Variants in DLG2 observed in about 807,000 individuals in gnomAD.
DLG2 encodes the protein discs large MAGUK scaffold protein 2.
In DLG2, 45 loss-of-function variants were observed where a neutral mutation model predicts 132.5. That is an observed-to-expected ratio of 0.34 (90% CI 0.27 to 0.44). The LOEUF (loss-of-function observed/expected upper bound fraction) is 0.44. DLG2 is among the 20% of genes least tolerant of loss of function. The pLI, the probability that DLG2 is intolerant of heterozygous loss-of-function variation, is 1.00. For missense variants in DLG2, 1,045 were observed against 1,196.9 expected, an observed-to-expected ratio of 0.87 and a Z score of 1.87; for synonymous variants, 424 against 419.6, an observed-to-expected ratio of 1.01 and a Z score of -0.13.
chr11:83,677,296 C>CGGAAG (rs2077911933), intron 18 of DLG2, among the ~76,000 whole-genome samples: 1 of 152,088 alleles, frequency 6.6e-6, no homozygotes, highest in Admixed American at 6.6e-5. Context: ...CCAACTCTTC[C>CGGAAG]AGGCAAAATA....
chr11:85,393,056 A>C lies in DLG2; in HGVS notation c.41-107691T>G, dbSNP rs550857699. On this transcript the variant is annotated intron_variant, in intron 3 of 27. Coordinates refer to ENST00000376104, the MANE Select transcript of DLG2 (RefSeq NM_001142699.3). Reference sequence around the variant, plus strand: ...TAACAGACAACCCATAGAATAGGAGAAAATCTTCACAGTCTATACATCCAA... The same window carrying C: ...TAACAGACAACCCATAGAATAGGAGCAAATCTTCACAGTCTATACATCCAA... Among the ~76,000 whole-genome samples the C allele has an allele frequency of 1.8e-4, 28 of 152,288 alleles. No individual in the cohort carries two copies. In the South Asian group the frequency reaches 5.4e-3, roughly 29 times the overall value.
intron 18 of DLG2, among the ~76,000 whole-genome samples, chr11:83,758,299 A>G (rs913633949): frequency 1.3e-5 from 2 of 151,926 alleles, no homozygotes; most frequent in African/African-American, 2.4e-5. Context: ...GTCTTTCCAC[A>G]TCACATCCAA....
chr11:84,552,135 G>A (rs1248283387), intron 6 of DLG2, among the ~76,000 whole-genome samples: 1 of 152,098 alleles, frequency 6.6e-6, no homozygotes, highest in Non-Finnish European at 1.5e-5. Context: ...CCAAGTGAAT[G>A]GATCTAATAC....
chr11:85,263,253 G>A (rs1212655744), intron 4 of DLG2, among the ~76,000 whole-genome samples: 1 of 152,192 alleles, frequency 6.6e-6, no homozygotes, highest in African/African-American at 2.4e-5. Flanking sequence ...AAAGGTTCAG[G>A]GAAGATTTAT....
intron 8 of DLG2, among the ~76,000 whole-genome samples, chr11:84,247,493 G>A (rs1388755669): frequency 6.6e-6 from 1 of 152,080 alleles, no homozygotes; most frequent in African/African-American, 2.4e-5. Context: ...CCTTGTTTCT[G>A]CTTGGGTGAT....
intron 16 of DLG2, among the ~76,000 whole-genome samples, chr11:83,860,195 CT>C (rs1233298975): frequency 1.3e-5 from 2 of 152,160 alleles, no homozygotes; most frequent in Non-Finnish European, 2.9e-5. Flanking sequence ...CCTAGTGGAG[CT>C]GTGAGAAGAG....
intron 6 of DLG2, among the ~76,000 whole-genome samples, chr11:84,544,214 G>A (rs1163377661): frequency 1.3e-5 from 2 of 152,188 alleles, no homozygotes; most frequent in Non-Finnish European, 2.9e-5. Context: ...CACAGGAGAG[G>A]TAACTGTAAT....
At chr11:83,843,272 A>G (rs898994996) in intron 16 of DLG2, among the ~76,000 whole-genome samples, 1 of 152,168 alleles carries the variant, frequency 6.6e-6, no homozygotes, top group Non-Finnish European at 1.5e-5. Flanking sequence ...TTTGGCTAGA[A>G]GGATGCCTGC....
chr11:85,606,163 TATG>T (rs1245126140), intron 2 of DLG2, among the ~76,000 whole-genome samples: 1 of 152,206 alleles, frequency 6.6e-6, no homozygotes, highest in Non-Finnish European at 1.5e-5. Context: ...TTAACTATAG[TATG>T]ATATGTATCC....
intron 14 of DLG2, among the ~76,000 whole-genome samples, chr11:83,961,326 C>A (rs1288616782): frequency 1.3e-5 from 2 of 152,014 alleles, no homozygotes; most frequent in Non-Finnish European, 2.9e-5. Context: ...CATCAAAACT[C>A]TGAGGTCCCT....
intron 11 of DLG2, among the ~76,000 whole-genome samples, chr11:84,017,149 C>T (rs1022539562): frequency 6.6e-6 from 1 of 152,070 alleles, no homozygotes; most frequent in Non-Finnish European, 1.5e-5. Flanking sequence ...TTATTTCAAA[C>T]TGGGAAGAGC....
chr11:84,959,909 G>C (rs2052300525), intron 6 of DLG2, among the ~76,000 whole-genome samples: 2 of 152,136 alleles, frequency 1.3e-5, no homozygotes, highest in African/African-American at 4.8e-5. Flanking sequence ...AACTGGTTAA[G>C]TAAAGGCTTA....
Position 84,505,023 on chromosome 11 carries a change from A to T in DLG2, c.519+29547T>A, listed in dbSNP as rs111948842. 1.7e-3 allele frequency among the ~76,000 whole-genome samples: 254 copies of T among 152,242 alleles called. 1 individual carries two copies. Among genetic ancestry groups the T allele is most frequent in the African/African-American group, 5.8e-3 (241 of 41,564 alleles). ...ATTCTTTTACGTCAAATTAGTTCAA[A>T]TTGCCAATGGATAGGAGCACTGGAC... On this transcript the variant is annotated intron_variant, in intron 7 of 27. Coordinates refer to ENST00000376104, the MANE Select transcript of DLG2 (RefSeq NM_001142699.3).
chr11:85,395,361 G>A (rs1387832459), intron 3 of DLG2, among the ~76,000 whole-genome samples: 1 of 152,122 alleles, frequency 6.6e-6, no homozygotes. Flanking sequence ...GGTGGTTTCT[G>A]CATTTCCAAA....
intron 15 of DLG2, among the ~76,000 whole-genome samples, chr11:83,907,327 A>G (rs895669965): frequency 1.3e-5 from 2 of 152,208 alleles, no homozygotes; most frequent in African/African-American, 4.8e-5. Flanking sequence ...ATGGGCAGGT[A>G]AACAAATTAC....
At chr11:84,831,744 A>C (rs964273316) in intron 6 of DLG2, among the ~76,000 whole-genome samples, 4 of 151,646 alleles carry the variant, frequency 2.6e-5, no homozygotes, top group Admixed American at 6.6e-5. Context: ...TCAATATTTA[A>C]ATGGAAGGCA....
upstream of DLG2, chr11:85,627,546 A>T (rs2082094501): frequency 6.6e-6 from 1 of 152,206 alleles, no homozygotes; most frequent in Non-Finnish European, 1.5e-5. Context: ...ACCTTCCCCC[A>T]AAGGTGTTTT....
intron 8 of DLG2, among the ~76,000 whole-genome samples, chr11:84,180,735 C>A (rs578188605): frequency 6.6e-6 from 1 of 151,934 alleles, no homozygotes; most frequent in Non-Finnish European, 1.5e-5. Flanking sequence ...TATCTGAACC[C>A]CCCCAGAAAC....
intron 4 of DLG2, among the ~76,000 whole-genome samples, chr11:85,245,015 G>A (rs79685423): frequency 0.015 from 2,222 of 151,830 alleles, 58 homozygotes; most frequent in African/African-American, 0.051. Context: ...AGAGTTAGGT[G>A]GAATTATGCT....
Sources: gnomAD v4.1 joint callset for allele counts (sites outside exome capture counted in the v4.1 genomes callset) on GRCh38, gnomAD v4.1.1 for gene constraint, MANE v1.5 for transcripts, NCBI Gene and HGNC (gene_info 2026-07-23, HGNC 2026-07-21) for gene names.